Variants in KIF1C observed in about 807,000 individuals in gnomAD.
KIF1C encodes the protein kinesin-like protein KIF1C.
Under a neutral mutation model 126.5 loss-of-function variants are expected in KIF1C, and 61 were observed. The ratio of observed to expected loss-of-function variants is 0.48; its 90% CI spans 0.39 to 0.60. The LOEUF (loss-of-function observed/expected upper bound fraction) is 0.60, where lower values mean the gene tolerates loss of function less well. Among genes scored for constraint, KIF1C ranks in the 20% least tolerant of loss-of-function variants. The probability of loss-of-function intolerance (pLI) is 0.00; values close to 1 mark genes in which losing one functional copy is unlikely to be tolerated. For synonymous variants in KIF1C, 640 were observed against 580.6 expected, an observed-to-expected ratio of 1.10 and a Z score of -1.47; for missense variants, 1,315 against 1,489.2, an observed-to-expected ratio of 0.88 and a Z score of 1.93.
In KIF1C at chr17:5,020,032, CAT is replaced by C. The variant is rs1975055490; in HGVS notation, c.1706_1707del (p.Tyr569CysfsTer17). The stretch of plus-strand genomic sequence containing the variant: ...CTGGAGCCTTGTGAAGGAGCTGAGA[CAT>C]ATGTGAATGGGAAGCTTGTGACGGA... On this transcript the variant is annotated frameshift_variant, in exon 19 of 23. Coordinates refer to ENST00000320785, the MANE Select transcript of KIF1C (RefSeq NM_006612.6). LOFTEE classifies it high-confidence loss of function. The surrounding 1 kb of genome is among the most constrained non-coding windows in gnomAD (Gnocchi z 5.8). The C allele has an allele frequency of 2.5e-6, 4 of 1,605,548 alleles. No individual in the cohort carries two copies. The highest frequency in any genetic ancestry group is 3.4e-6 in the Non-Finnish European group (4 of 1,175,950).
chr17:5,012,106 A>C (rs1361988980), intron 16 of KIF1C: 1 of 152,218 alleles, frequency 6.6e-6, no homozygotes, highest in Non-Finnish European at 1.5e-5. Flanking sequence ...TCCCACTTGT[A>C]ATGGTGTTTC....
intron 16 of KIF1C, among the ~76,000 whole-genome samples, chr17:5,012,956 GGGCCTTA>G (rs992596228): frequency 1.3e-5 from 2 of 152,154 alleles, no homozygotes; most frequent in African/African-American, 4.8e-5. Context: ...ACTTGGCTGG[GGGCCTTA>G]GGCAGGGACA....
rs1975108097 is a variant in KIF1C, at chr17:5,022,298, C to G, written c.2217C>G (p.Pro739=). Reference sequence around the variant, plus strand: ...GACGCAGGCTGCAGGGCAAAGACCCCCGCTGGGCCACCATGGCTGACCTGA... The same window carrying G: ...GACGCAGGCTGCAGGGCAAAGACCCGCGCTGGGCCACCATGGCTGACCTGA... ...PQRRRLQGKD[P]RWATMADLKM... The change falls in exon 22 of 23, where the codon CCC becomes CCG. Residue 739 remains proline, a synonymous_variant. Transcript: ENST00000320785. The surrounding 1 kb of genome is among the most constrained non-coding windows in gnomAD (Gnocchi z 4.9). 4 of 1,612,042 alleles carry G rather than the reference C, an allele frequency of 2.5e-6. No homozygotes were observed. The East Asian group carries it at 6.7e-5, about 27-fold the overall frequency.
intron 8 of KIF1C, 132 bp downstream of exon 8, chr17:5,002,974 C>G: frequency 1.5e-6 from 1 of 655,010 alleles, no homozygotes; most frequent in Non-Finnish European, 2.7e-6. Context: ...ACTACCATGA[C>G]CGCGCCCCAC....
At chr17:5,002,342 CA>C in intron 6 of KIF1C, 121 bp from the exon 7 acceptor site, 3 of 1,050,472 alleles carry the variant, frequency 2.9e-6, no homozygotes, top group Non-Finnish European at 4.2e-6. Flanking sequence ...CTAGCATCTG[CA>C]GAATGCTTCG....
In KIF1C at chr17:5,020,104, G is replaced by A; in HGVS notation, c.1750+25G>A. 1.9e-6 allele frequency: 3 copies of A among 1,550,366 alleles called. No individual in the cohort carries two copies. Among genetic ancestry groups the A allele is most frequent in the Non-Finnish European group, 2.6e-6 (3 of 1,140,808 alleles). ...GGTAGAAGATGTGTCGCAGATTGAG[G>A]GTTCTGGGGCGTGGCTGTGTGTAGG... On this transcript the variant is annotated intron_variant, in intron 19 of 22. Coordinates refer to ENST00000320785, the MANE Select transcript of KIF1C (RefSeq NM_006612.6). This position sits in a 1 kb window ranked among gnomAD's most constrained non-coding sequence, Gnocchi z 5.8.
At chr17:5,005,254 T>G (rs1974700355) in intron 13 of KIF1C, among the ~76,000 whole-genome samples, 1 of 152,238 alleles carries the variant, frequency 6.6e-6, no homozygotes, top group Non-Finnish European at 1.5e-5. Context: ...ATGAAATGAC[T>G]GTTACAGGAA....
intron 18 of KIF1C, among the ~76,000 whole-genome samples, chr17:5,016,581 A>T (rs1157501682): frequency 1.3e-5 from 2 of 151,616 alleles, no homozygotes. Flanking sequence ...AAAAGACGCT[A>T]TCATGTGCGT....
rs2143396007 is a variant in KIF1C, at chr17:5,024,228, A to G, written c.*77A>G. 1 of 1,090,834 alleles carries G rather than the reference A, an allele frequency of 9.2e-7. No homozygotes were observed. The highest frequency in any genetic ancestry group is 1.3e-6 in the Non-Finnish European group (1 of 750,012). The allele number at this position is 1,090,834 out of a possible 1,614,324, so 67.6% of individuals were successfully genotyped here. A position where few individuals can be genotyped will look rare whatever the true frequency, so the allele number is the denominator to read the frequency against. On this transcript the variant is annotated 3_prime_UTR_variant, in exon 23 of 23. Coordinates refer to ENST00000320785, the MANE Select transcript of KIF1C (RefSeq NM_006612.6). ...AAGACGCCCGAGACGCTGCTTCCCC[A>G]GAAGTGCTGGGGCAGGGAGGCCCAG...
chr17:5,017,088 C>G (rs1039146222), intron 18 of KIF1C, among the ~76,000 whole-genome samples: 2 of 151,990 alleles, frequency 1.3e-5, no homozygotes, highest in African/African-American at 4.8e-5. Flanking sequence ...CTGCGGCAAC[C>G]TCAAGCCATT....
intron 18 of KIF1C, among the ~76,000 whole-genome samples, chr17:5,016,617 T>C: frequency 6.6e-6 from 1 of 151,226 alleles, no homozygotes. Flanking sequence ...AAGACATACC[T>C]CTTGGGGCTG....
chr17:5,027,692 G>A lies in KIF1C; in HGVS notation c.*3541G>A, dbSNP rs6502831. On this transcript the variant is annotated 3_prime_UTR_variant, in exon 23 of 23. Coordinates refer to ENST00000320785, the MANE Select transcript of KIF1C (RefSeq NM_006612.6). ...CCATCTCACCCCTCTAGGCCATCAAGTATTGGCTGGGTGCGGTGGTTTATG... is the reference window on the plus strand; with the variant it reads ...CCATCTCACCCCTCTAGGCCATCAAATATTGGCTGGGTGCGGTGGTTTATG... 144,483 of 152,240 alleles carry A rather than the reference G, an allele frequency of 0.95. 68,623 individuals are homozygous for A. The highest frequency in any genetic ancestry group is 0.96 in the Admixed American group (14,630 of 15,278). The allele number at this position is 152,240 out of a possible 1,614,324, so 9.4% of individuals were successfully genotyped here. A position where few individuals can be genotyped will look rare whatever the true frequency, so the allele number is the denominator to read the frequency against.
At chr17:5,000,397 C>T (rs199881677) in intron 3 of KIF1C, 45 bp downstream of exon 3, 15 of 1,327,358 alleles carry the variant, frequency 1.1e-5, no homozygotes, top group Admixed American at 5.9e-5. Context: ...CAGGGAAGGC[C>T]GGGCCCACCA....
At chr17:5,000,081 G>A in intron 2 of KIF1C, 111 bp downstream of exon 2, 1 of 603,266 alleles carries the variant, frequency 1.7e-6, no homozygotes, top group Non-Finnish European at 3.0e-6. Flanking sequence ...GGAAAGCCAA[G>A]GGAATAAGAG....
At position 5,022,383 on chromosome 17, in the gene KIF1C, C is replaced by T. The variant is rs575805660; in HGVS notation, c.2302C>T (p.Arg768Trp). The part of the protein sequence containing the change: ...EVALADFRHG[R>W]AEIEALAALK... ...GGCCCTGGCTGACTTCCGCCACGGGCGGGCTGAGATTGAGGCCCTGGCCGC... is the reference window on the plus strand; with the variant it reads ...GGCCCTGGCTGACTTCCGCCACGGGTGGGCTGAGATTGAGGCCCTGGCCGC... Residue 768 changes from arginine to tryptophan, a missense_variant, in exon 22 of 23, where the codon CGG becomes TGG. Arg to Trp is a moderately radical substitution (Grantham distance 101). This residue lies in a region of KIF1C where 874 missense variants were observed against 1,053.2 expected (regional missense o/e 0.83). Coordinates refer to ENST00000320785, the MANE Select transcript of KIF1C (RefSeq NM_006612.6). This position sits in a 1 kb window ranked among gnomAD's most constrained non-coding sequence, Gnocchi z 4.9. 7 of 1,580,776 alleles carry T rather than the reference C, an allele frequency of 4.4e-6. No individual in the cohort carries two copies. In the Admixed American group the frequency reaches 7.3e-5, roughly 17 times the overall value.
chr17:5,004,532 C>G (rs1265083011), intron 11 of KIF1C, 35 bp from the exon 12 acceptor site: 3 of 1,605,788 alleles, frequency 1.9e-6, no homozygotes, highest in Non-Finnish European at 2.6e-6. Context: ...TAGCCCCTCC[C>G]TCAGCTGAAG....
In KIF1C at chr17:5,005,245, T is replaced by C. The variant is rs1009345921; in HGVS notation, c.1165+245T>C. Among the ~76,000 whole-genome samples the C allele has an allele frequency of 3.9e-5, 6 of 152,318 alleles. No individual in the cohort carries two copies. In the South Asian group the frequency reaches 8.3e-4, roughly 21 times the overall value. ...GGACCTGTCAGGCTCCTGGAAGTAA[T>C]GAAATGACTGTTACAGGAAAAAATG... On this transcript the variant is annotated intron_variant, in intron 13 of 22. Coordinates refer to ENST00000320785, the MANE Select transcript of KIF1C (RefSeq NM_006612.6).
At position 5,002,850 on chromosome 17, in the gene KIF1C, CG is replaced by C; in HGVS notation, c.720+9del. ...GGGCTGGACTCGGAGAAGGTGGGAT[CG>C]CCCCCCCCCCCACTCCCCCACCGGA... On this transcript the variant is annotated intron_variant, in intron 8 of 22. Coordinates refer to ENST00000320785, the MANE Select transcript of KIF1C (RefSeq NM_006612.6). The C allele has an allele frequency of 6.6e-7, 1 of 1,515,696 alleles. No individual in the cohort carries two copies. Among genetic ancestry groups the C allele is most frequent in the Non-Finnish European group, 8.9e-7 (1 of 1,119,854 alleles). The allele number at this position is 1,515,696 out of a possible 1,614,324, so 93.9% of individuals were successfully genotyped here.
chr17:5,008,734 T>C (rs1198542329), intron 16 of KIF1C, among the ~76,000 whole-genome samples: 2 of 152,176 alleles, frequency 1.3e-5, no homozygotes, highest in East Asian at 1.9e-4. Context: ...GGGTCTTGTC[T>C]GGGGCTGGGT....
Sources: gnomAD v4.1 joint callset for allele counts (sites outside exome capture counted in the v4.1 genomes callset) on GRCh38, gnomAD v4.1.1 for gene constraint, gnomAD v4.1.1 regional missense constraint, Gnocchi (gnomAD v3.1) non-coding constraint, MANE v1.5 for transcripts, NCBI Gene and HGNC (gene_info 2026-07-23, HGNC 2026-07-21) for gene names.